Variants in CFAP46 observed in about 807,000 individuals in gnomAD.
CFAP46 encodes cilia and flagella associated protein 46, also known as cilia- and flagella-associated protein 46.
A neutral mutation model predicts 325.7 loss-of-function variants in CFAP46; 245 were observed. The ratio of observed to expected loss-of-function variants is 0.75; its 90% CI spans 0.68 to 0.84. The LOEUF (loss-of-function observed/expected upper bound fraction) is 0.84. Among genes scored for constraint, CFAP46 ranks in the 40% least tolerant of loss-of-function variants. CFAP46 has a pLI of 0.00. For missense variants in CFAP46, 3,346 were observed against 3,543.0 expected (o/e 0.94, Z 1.41); for synonymous variants, 1,523 against 1,495.9 (o/e 1.02, Z -0.42).
intron 19 of CFAP46, 98 bp downstream of exon 19, chr10:132,912,552 TCTTCA>T (rs1849565008): frequency 1.8e-6 from 2 of 1,137,936 alleles, no homozygotes; most frequent in Admixed American, 2.3e-5. Flanking sequence ...TCTCTCTCTC[TCTTCA>T]CCTCTCTCCT....
Position 132,808,819 on chromosome 10 carries a change from A to G in CFAP46, c.7750T>C (p.Trp2584Arg), listed in dbSNP as rs1248772782. ...PSHHAQLGPV[W>R]AAAPSHRVVQ... ...ACCCGATGGCTTGGTGCGGCAGCCC[A>G]TACAGGACCAAGTTGAGCGTGGTGG... is the stretch of plus-strand genomic sequence containing the variant. The change falls in exon 58 of 58, where the codon TGG (tryptophan) becomes CGG (arginine). Residue 2584 changes from tryptophan to arginine, a missense_variant. Transcript: ENST00000368586. This position sits in a 1 kb window ranked among gnomAD's most constrained non-coding sequence, Gnocchi z 6.8. 1.9e-6 allele frequency: 3 copies of G among 1,609,242 alleles called. No individual in the cohort carries two copies. Among genetic ancestry groups the G allele is most frequent in the African/African-American group, 2.7e-5 (2 of 74,880 alleles).
chr10:132,831,470 G>A (rs1211321963), intron 50 of CFAP46, among the ~76,000 whole-genome samples: 2 of 152,184 alleles, frequency 1.3e-5, no homozygotes, highest in East Asian at 1.9e-4. Context: ...TCATGAATTA[G>A]CCTCCTCCTC....
chr10:132,834,031 C>T lies in CFAP46; in HGVS notation c.6949+10G>A. The stretch of plus-strand genomic sequence containing the variant: ...TCCCCAGGCTGAGTGGCCACGCCCG[C>T]CCCACTCACTGTGTTGTCCTGTGGA... On this transcript the variant is annotated intron_variant, in intron 49 of 57. Transcript: ENST00000368586. 1 of 1,612,756 alleles carries T rather than the reference C, an allele frequency of 6.2e-7. No individual in the cohort carries two copies. The highest frequency in any genetic ancestry group is 8.5e-7 in the Non-Finnish European group (1 of 1,178,910).
chr10:132,933,739 T>C (rs749939650), intron 8 of CFAP46, among the ~76,000 whole-genome samples: 11 of 152,204 alleles, frequency 7.2e-5, no homozygotes, highest in Non-Finnish European at 1.5e-4. Context: ...ACGAACGTGC[T>C]GGCGTCTGGC....
intron 57 of CFAP46, 132 bp from the exon 58 acceptor site, chr10:132,809,036 C>T (rs1023763055): frequency 1.2e-5 from 11 of 940,742 alleles, no homozygotes; most frequent in African/African-American, 5.0e-5. Flanking sequence ...CACTGCCATT[C>T]GCCAGGCCTC....
intron 31 of CFAP46, among the ~76,000 whole-genome samples, chr10:132,873,420 C>T (rs113851956): frequency 1.0e-4 from 15 of 148,224 alleles, no homozygotes; most frequent in East Asian, 1.9e-4. Flanking sequence ...AGGCATCCAG[C>T]GACACGAGCC....
rs371828117 is a variant in CFAP46 at position 132,822,558 on chromosome 10, G to A, written c.7118-7644C>T. The stretch of plus-strand genomic sequence containing the variant: ...GTGTGCTGACGTGTGCTGTGTGTGC[G>A]CTGATGTGTGCTGTGTGTGTGCTGT... On this transcript the variant is annotated intron_variant, in intron 50 of 57. Transcript: ENST00000368586. 2.0e-3 allele frequency among the ~76,000 whole-genome samples: 268 copies of A among 132,746 alleles called. 1 individual carries two copies. Among genetic ancestry groups the A allele is most frequent in the South Asian group, 0.014 (48 of 3,518 alleles). The allele number at this position is 132,746 out of a possible 152,430, so 87.1% of individuals were successfully genotyped here. A position where few individuals can be genotyped will look rare whatever the true frequency, so the allele number is the denominator to read the frequency against.
At chr10:132,810,850 A>G in intron 56 of CFAP46, 100 bp downstream of exon 56, 1 of 1,137,880 alleles carries the variant, frequency 8.8e-7, no homozygotes, top group Non-Finnish European at 1.3e-6. Flanking sequence ...CGTTCTTGAA[A>G]CCCGACCCCA....
intron 3 of CFAP46, 91 bp downstream of exon 3, chr10:132,941,500 A>G (rs1850100711): frequency 2.7e-6 from 4 of 1,495,774 alleles, no homozygotes; most frequent in Non-Finnish European, 3.6e-6. Flanking sequence ...CTACCCTAAG[A>G]ACGATTTTAA....
At chr10:132,834,838 G>A (rs1245663182) in intron 47 of CFAP46, 63 bp from the exon 48 acceptor site, 2 of 1,546,590 alleles carry the variant, frequency 1.3e-6, no homozygotes, top group Non-Finnish European at 1.7e-6. Context: ...ACCCCGCGAG[G>A]GCCAGGCCCC....
At chr10:132,909,508 T>C (rs1849508700) in intron 20 of CFAP46, among the ~76,000 whole-genome samples, 1 of 152,152 alleles carries the variant, frequency 6.6e-6, no homozygotes, top group African/African-American at 2.4e-5. Context: ...GAAGGACCAG[T>C]GGGCCTGACA....
intron 35 of CFAP46, among the ~76,000 whole-genome samples, chr10:132,864,682 T>C (rs376138014): frequency 4.8e-4 from 68 of 140,720 alleles, no homozygotes; most frequent in Middle Eastern, 5.0e-3. Context: ...GCCCGAGACC[T>C]GCACACACCT....
intron 48 of CFAP46, 146 bp downstream of exon 48, chr10:132,834,508 C>T: frequency 1.7e-6 from 2 of 1,170,056 alleles, no homozygotes; most frequent in Non-Finnish European, 2.4e-6. Context: ...AGAAGAATTG[C>T]TTCCTGGGAG....
chr10:132,937,542 G>T lies in CFAP46; in HGVS notation c.660+10C>A, dbSNP rs371259449. ...CTTCTTACGTCTCTATTTCTAATAC[G>T]CTGATTTACCATAACAGAGAATATC... On this transcript the variant is annotated intron_variant, in intron 6 of 57. Transcript: ENST00000368586. 1 of 1,612,732 alleles carries T rather than the reference G, an allele frequency of 6.2e-7. No homozygotes were observed. Among genetic ancestry groups the T allele is most frequent in the African/African-American group, 1.3e-5 (1 of 74,806 alleles).
intron 8 of CFAP46, among the ~76,000 whole-genome samples, chr10:132,931,452 C>G (rs1042343619): frequency 4.1e-5 from 6 of 146,736 alleles, no homozygotes; most frequent in African/African-American, 1.0e-4. Context: ...ACTGGGCCTT[C>G]CCCACATTCC....
chr10:132,938,652 T>C lies in CFAP46; in HGVS notation c.473A>G (p.Gln158Arg). 6.2e-7 allele frequency: 1 copy of C among 1,613,688 alleles called. No individual in the cohort carries two copies. The highest frequency in any genetic ancestry group is 2.2e-5 in the East Asian group (1 of 44,880). The change falls in exon 5 of 58, where the codon CAA becomes CGA. Residue 158 changes from glutamine (Q) to arginine (R), a missense_variant. Gln to Arg is a conservative substitution (Grantham distance 43). Transcript: ENST00000368586. ...AGTCTGACTCAGCACGTTTATGATT[T>C]GGGAAAGGCTGGGGATCAGATGGTG... ...YRHHLIPSLS[Q>R]IINVLSQTEE...
At chr10:132,823,567 T>A (rs1262587814) in intron 50 of CFAP46, among the ~76,000 whole-genome samples, 1 of 108,032 alleles carries the variant, frequency 9.3e-6, no homozygotes, top group Admixed American at 9.3e-5. Context: ...TGTGCTGATG[T>A]GTGCTGTGTG....
At chr10:132,870,183 G>C (rs565116194) in intron 32 of CFAP46, among the ~76,000 whole-genome samples, 2 of 152,084 alleles carry the variant, frequency 1.3e-5, no homozygotes, top group Non-Finnish European at 2.9e-5. Context: ...CATATGAGAC[G>C]GTGAACTGAG....
At chr10:132,864,008 C>T (rs1848764328) in intron 35 of CFAP46, among the ~76,000 whole-genome samples, 1 of 146,784 alleles carries the variant, frequency 6.8e-6, no homozygotes, top group African/African-American at 2.5e-5. Context: ...TGCCTGAGAC[C>T]TGAACACACC....
Sources: gnomAD v4.1 joint callset for allele counts (sites outside exome capture counted in the v4.1 genomes callset) on GRCh38, gnomAD v4.1.1 for gene constraint, Gnocchi (gnomAD v3.1) non-coding constraint, MANE v1.5 for transcripts, NCBI Gene and HGNC (gene_info 2026-07-23, HGNC 2026-07-21) for gene names.